The following HYAL4 variants were observed in gnomAD, a reference collection of about 807,000 sequenced individuals.
The protein encoded by HYAL4 is hyaluronidase-4.
In HYAL4, 37 loss-of-function variants were observed where a neutral mutation model predicts 35.2. The observed-to-expected ratio is 1.05, with a 90% confidence interval of 0.81 to 1.38. The LOEUF is 1.38. Among genes scored for constraint, HYAL4 ranks in the 40% most tolerant of loss-of-function variants. HYAL4 has a pLI of 0.00. For synonymous variants in HYAL4, 198 were observed against 203.2 expected (o/e 0.97, Z 0.22); for missense variants, 572 against 572.4 (o/e 1.00, Z 0.01).
chr7:123,778,102 A>AT, the HYAL4 span, among the ~76,000 whole-genome samples: 71 of 151,860 alleles, frequency 4.7e-4, no homozygotes, highest in Admixed American at 2.0e-4. Flanking sequence ...AGATTTATCA[A>AT]TTTTTTTTGC....
At chr7:123,824,961 G>C (rs925243308), upstream of HYAL4, among the ~76,000 whole-genome samples, 1 of 152,090 alleles carries the variant, frequency 6.6e-6, no homozygotes, top group Non-Finnish European at 1.5e-5. Flanking sequence ...TTCTAGGACA[G>C]TGCTCTCTAC....
the HYAL4 span, among the ~76,000 whole-genome samples, chr7:123,811,018 G>T: frequency 6.6e-6 from 1 of 152,082 alleles, no homozygotes; most frequent in Non-Finnish European, 1.5e-5. Context: ...AGTGCTTGAT[G>T]GCTCATTTCT....
intron 2 of HYAL4, among the ~76,000 whole-genome samples, chr7:123,857,628 G>A (rs1319758353): frequency 2.7e-5 from 4 of 150,618 alleles, no homozygotes; most frequent in Admixed American, 2.6e-4. Context: ...TTGCTATTGG[G>A]CCATCTTGCC....
chr7:123,844,224 T>C (rs1017788158), upstream of HYAL4: 2 of 152,214 alleles, frequency 1.3e-5, no homozygotes, highest in Non-Finnish European at 2.9e-5. Flanking sequence ...TATTCCTTTC[T>C]TTTTGTTTTC....
At chr7:123,778,427 T>G in the HYAL4 span, among the ~76,000 whole-genome samples, 1 of 152,084 alleles carries the variant, frequency 6.6e-6, no homozygotes, top group Non-Finnish European at 1.5e-5. Flanking sequence ...GTCTTACATT[T>G]AATTGCCATG....
At chr7:123,782,482 T>A in the HYAL4 span, among the ~76,000 whole-genome samples, 1 of 152,126 alleles carries the variant, frequency 6.6e-6, no homozygotes, top group African/African-American at 2.4e-5. Context: ...TAGTTTTATC[T>A]CTTGGCCATA....
the HYAL4 span, among the ~76,000 whole-genome samples, chr7:123,767,389 C>T: frequency 2.6e-5 from 4 of 152,068 alleles, no homozygotes; most frequent in Non-Finnish European, 5.9e-5. Context: ...CCAAGATAGA[C>T]CTCTTCAGGC....
At chr7:123,851,238 T>C (rs1205944013) in intron 2 of HYAL4, among the ~76,000 whole-genome samples, 1 of 152,114 alleles carries the variant, frequency 6.6e-6, no homozygotes, top group East Asian at 1.9e-4. Context: ...CATTTGATGT[T>C]TCAACAAAGT....
At chr7:123,843,880 C>G (rs965007861), upstream of HYAL4, among the ~76,000 whole-genome samples, 3 of 151,934 alleles carry the variant, frequency 2.0e-5, no homozygotes, top group African/African-American at 7.2e-5. Flanking sequence ...ACTGTTTATT[C>G]TAGTTAGCCA....
At chr7:123,871,901 A>G (rs1806892224) in intron 3 of HYAL4, among the ~76,000 whole-genome samples, 1 of 152,240 alleles carries the variant, frequency 6.6e-6, no homozygotes, top group Non-Finnish European at 1.5e-5. Context: ...ATATAGAGGC[A>G]GTCAAACCTC....
At chr7:123,784,545 G>C in the HYAL4 span, among the ~76,000 whole-genome samples, 1 of 152,154 alleles carries the variant, frequency 6.6e-6, no homozygotes, top group African/African-American at 2.4e-5. Flanking sequence ...GTCAGAAATA[G>C]GAAACCAGGA....
the HYAL4 span, among the ~76,000 whole-genome samples, chr7:123,776,983 A>G: frequency 1.3e-5 from 2 of 152,208 alleles, no homozygotes; most frequent in East Asian, 1.9e-4. Flanking sequence ...AAAAATAATT[A>G]CGGTGAAGGG....
At position 123,849,237 on chromosome 7, in the gene HYAL4, C is replaced by G. The variant is rs553397683; in HGVS notation, c.-52+1079C>G. On this transcript the variant is annotated intron_variant, in intron 2 of 4. Transcript: ENST00000223026. ...ATAATAAAACTTGTTATCTCTAGATCCTGGAGTACCTGAATAACTAATGTA... is the reference window on the plus strand; with the variant it reads ...ATAATAAAACTTGTTATCTCTAGATGCTGGAGTACCTGAATAACTAATGTA... 1.1e-4 allele frequency among the ~76,000 whole-genome samples: 16 copies of G among 151,890 alleles called. No individual in the cohort carries two copies. The South Asian group carries it at 3.3e-3, about 32-fold the overall frequency.
the HYAL4 span, among the ~76,000 whole-genome samples, chr7:123,763,946 C>G: frequency 6.6e-6 from 1 of 152,184 alleles, no homozygotes; most frequent in African/African-American, 2.4e-5. Context: ...TCCTGTTTCC[C>G]CCAGTGTGTC....
At chr7:123,826,157 G>C (rs2116901273), upstream of HYAL4, among the ~76,000 whole-genome samples, 1 of 152,106 alleles carries the variant, frequency 6.6e-6, no homozygotes, top group Admixed American at 6.6e-5. Context: ...TGTCAAGAAA[G>C]TTTGCCATAA....
intron 2 of HYAL4, among the ~76,000 whole-genome samples, chr7:123,864,571 G>A (rs1253739032): frequency 6.6e-6 from 1 of 152,096 alleles, no homozygotes; most frequent in Non-Finnish European, 1.5e-5. Flanking sequence ...TAATTGCACA[G>A]GTTGCTATGC....
At chr7:123,842,177 A>G (rs1034574279), upstream of HYAL4, among the ~76,000 whole-genome samples, 2 of 152,082 alleles carry the variant, frequency 1.3e-5, no homozygotes, top group Non-Finnish European at 2.9e-5. Context: ...AATGTGTCCC[A>G]GAGATTCTGA....
At chr7:123,787,107 C>CAAAAAAA in the HYAL4 span, among the ~76,000 whole-genome samples, 21 of 48,968 alleles carry the variant, frequency 4.3e-4, no homozygotes, top group African/African-American at 8.8e-4. Flanking sequence ...AACTCTGTCT[C>CAAAAAAA]AAAAAAAAAA....
chr7:123,804,050 C>A, the HYAL4 span, among the ~76,000 whole-genome samples: 3 of 152,238 alleles, frequency 2.0e-5, no homozygotes, highest in Non-Finnish European at 4.4e-5. Flanking sequence ...TATCCTTATA[C>A]TAGAGTTCAC....
Sources: allele counts gnomAD v4.1 joint callset (sites outside exome capture counted in the v4.1 genomes callset), GRCh38; gene constraint gnomAD v4.1.1; transcripts MANE v1.5; gene names NCBI Gene and HGNC (gene_info 2026-07-23, HGNC 2026-07-21).